The following NFAM1 variants were observed in gnomAD, a reference collection of about 807,000 sequenced individuals.
NFAM1 encodes the protein NFAT activating protein with ITAM motif 1, also known as NFAT activation molecule 1.
Under a neutral mutation model 29.0 loss-of-function variants are expected in NFAM1, and 17 were observed. That is an observed-to-expected ratio of 0.59 (90% CI 0.40 to 0.88). The LOEUF (loss-of-function observed/expected upper bound fraction) is 0.88. NFAM1 is among the 40% of genes least tolerant of loss of function. The pLI is 0.00. For missense variants in NFAM1, 324 were observed against 344.6 expected (o/e 0.94, Z 0.47); for synonymous variants, 175 against 147.2 (o/e 1.19, Z -1.36).
At chr22:42,396,871 GGAACAGAAACGACAGCACGTAC>G (rs1479877296) in intron 4 of NFAM1, among the ~76,000 whole-genome samples, 1 of 152,188 alleles carries the variant, frequency 6.6e-6, no homozygotes, top group Non-Finnish European at 1.5e-5. Flanking sequence ...CAATGTTGTG[GGAACAGAAACGACAGCACGTAC>G]GAGCAGAACC....
intron 3 of NFAM1, among the ~76,000 whole-genome samples, chr22:42,399,749 C>A (rs763224366): frequency 6.6e-6 from 1 of 152,166 alleles, no homozygotes; most frequent in Admixed American, 6.5e-5. Flanking sequence ...GACATCCCCC[C>A]TCATTGCAGG....
At chr22:42,437,437 C>T in the NFAM1 span, among the ~76,000 whole-genome samples, 1 of 152,094 alleles carries the variant, frequency 6.6e-6, no homozygotes, top group South Asian at 2.1e-4. Flanking sequence ...CCTACCATAC[C>T]CGGCCACAAT....
intron 1 of NFAM1, among the ~76,000 whole-genome samples, chr22:42,426,073 G>C (rs1015973481): frequency 6.6e-6 from 1 of 152,206 alleles, no homozygotes; most frequent in African/African-American, 2.4e-5. Context: ...AAGAAGCAAA[G>C]GTTCAGGGGA....
chr22:42,402,831 C>CTTTTT lies in NFAM1; in HGVS notation c.565-4880_565-4876dup, dbSNP rs35045065. 1.6e-3 allele frequency among the ~76,000 whole-genome samples: 153 copies of CTTTTT among 97,078 alleles called. 2 individuals carry two copies. Among genetic ancestry groups the CTTTTT allele is most frequent in the Middle Eastern group, 7.9e-3 (1 of 126 alleles). The allele number at this position is 97,078 out of a possible 152,430, so 63.7% of individuals were successfully genotyped here. On this transcript the variant is annotated intron_variant, in intron 3 of 5. Transcript: ENST00000329021. The stretch of plus-strand genomic sequence containing the variant: ...ACCCACACCGGTCCCTCTGTGCCTT[C>CTTTTT]TTTTTTTTTTTTTTTTTTTTTTGAG...
At chr22:42,436,022 G>C (rs1930932545), upstream of NFAM1, among the ~76,000 whole-genome samples, 1 of 152,012 alleles carries the variant, frequency 6.6e-6, no homozygotes, top group African/African-American at 2.4e-5. Context: ...GTTTTACCAT[G>C]TTGGCCAGGC....
upstream of NFAM1, among the ~76,000 whole-genome samples, chr22:42,435,707 T>C (rs1205987906): frequency 6.6e-6 from 1 of 152,122 alleles, no homozygotes; most frequent in Non-Finnish European, 1.5e-5. Flanking sequence ...GTGCCAGGCA[T>C]TGGGCAGACA....
At chr22:42,407,514 G>T (rs572991482) in intron 3 of NFAM1, among the ~76,000 whole-genome samples, 8 of 151,878 alleles carry the variant, frequency 5.3e-5, no homozygotes, top group South Asian at 2.1e-4. Flanking sequence ...GATTACAGGC[G>T]CCTACCACCA....
chr22:42,436,986 T>G, upstream of NFAM1: 1 of 984,660 alleles, frequency 1.0e-6, no homozygotes, highest in Non-Finnish European at 1.2e-6. Context: ...GACCCGGGCT[T>G]TTCTACTGGA....
intron 4 of NFAM1, among the ~76,000 whole-genome samples, chr22:42,387,934 G>A (rs542285395): frequency 8.5e-5 from 13 of 152,314 alleles, no homozygotes; most frequent in African/African-American, 2.2e-4. Flanking sequence ...GGGTCATGTC[G>A]GAGTCCTGCT....
At chr22:42,416,748 G>A (rs186740203) in intron 1 of NFAM1, among the ~76,000 whole-genome samples, 48 of 152,314 alleles carry the variant, frequency 3.2e-4, no homozygotes, top group Middle Eastern at 6.8e-3. Flanking sequence ...GCACTCGGCC[G>A]CTATCTATCT....
At chr22:42,405,020 C>T (rs975907258) in intron 3 of NFAM1, among the ~76,000 whole-genome samples, 7 of 152,064 alleles carry the variant, frequency 4.6e-5, no homozygotes, top group Admixed American at 2.0e-4. Context: ...ATGGCACACA[C>T]GAGACACTTT....
intron 1 of NFAM1, among the ~76,000 whole-genome samples, chr22:42,423,552 A>AAT (rs1930518402): frequency 6.6e-6 from 1 of 152,130 alleles, no homozygotes; most frequent in African/African-American, 2.4e-5. Context: ...CCATTTCTGA[A>AAT]ATAAATAAAT....
chr22:42,432,725 C>A (rs895162522), upstream of NFAM1, among the ~76,000 whole-genome samples: 7 of 152,246 alleles, frequency 4.6e-5, no homozygotes, highest in Non-Finnish European at 8.8e-5. Flanking sequence ...TAGCCTCTCA[C>A]TTCTGAAACA....
In NFAM1 at chr22:42,409,376, G is replaced by A. The variant is rs1307344728; in HGVS notation, c.564+59C>T. On this transcript the variant is annotated intron_variant, in intron 3 of 5. Coordinates refer to ENST00000329021, the MANE Select transcript of NFAM1 (RefSeq NM_145912.8). The surrounding 1 kb of genome is among the most constrained non-coding windows in gnomAD (Gnocchi z 4.9). Reference sequence around the variant, plus strand: ...ACCAAACGCCCTGCAGAGGGCAGGCGGGCAGCCGGTGGCGTGTCGGGTGGA... The same window carrying A: ...ACCAAACGCCCTGCAGAGGGCAGGCAGGCAGCCGGTGGCGTGTCGGGTGGA... 1.9e-5 allele frequency: 18 copies of A among 932,530 alleles called. No homozygotes were observed. Among genetic ancestry groups the A allele is most frequent in the East Asian group, 5.7e-5 (2 of 34,786 alleles). The allele number at this position is 932,530 out of a possible 1,614,324, so 57.8% of individuals were successfully genotyped here.
At chr22:42,413,104 G>A (rs113558470) in intron 1 of NFAM1, among the ~76,000 whole-genome samples, 8,007 of 152,274 alleles carry the variant, frequency 0.053, 378 homozygotes, top group African/African-American at 0.11. Context: ...GGTTCTCCAG[G>A]CCCCTCCTTC....
At chr22:42,415,294 C>CTTTTTTTTTTTTTTT (rs398037250) in intron 1 of NFAM1, among the ~76,000 whole-genome samples, 5 of 94,828 alleles carry the variant, frequency 5.3e-5, no homozygotes, top group Non-Finnish European at 8.0e-5. Flanking sequence ...TTCTTTCTTT[C>CTTTTTTTTTTTTTTT]TTTTTTTTTT....
At chr22:42,428,807 G>C (rs1410533108) in intron 1 of NFAM1, among the ~76,000 whole-genome samples, 1 of 152,214 alleles carries the variant, frequency 6.6e-6, no homozygotes, top group Admixed American at 6.5e-5. Context: ...AAGGTGCAGA[G>C]AGGTTAAGTA....
chr22:42,393,569 T>C (rs535609301), intron 4 of NFAM1, among the ~76,000 whole-genome samples: 6 of 137,818 alleles, frequency 4.4e-5, no homozygotes, highest in African/African-American at 1.7e-4. Flanking sequence ...CCACCACGCC[T>C]GACTAATTTT....
chr22:42,405,635 C>T (rs1601746710), intron 3 of NFAM1, among the ~76,000 whole-genome samples: 1 of 152,334 alleles, frequency 6.6e-6, no homozygotes, highest in East Asian at 1.9e-4. Flanking sequence ...AGTGGGTCTC[C>T]ATCCTAACCC....
Sources: allele counts gnomAD v4.1 joint callset (sites outside exome capture counted in the v4.1 genomes callset), GRCh38; gene constraint gnomAD v4.1.1; non-coding constraint Gnocchi (gnomAD v3.1); transcripts MANE v1.5; gene names NCBI Gene and HGNC (gene_info 2026-07-23, HGNC 2026-07-21).